Variants in TTC28 observed in about 807,000 individuals in gnomAD.
The protein encoded by TTC28 is tetratricopeptide repeat protein 28.
TTC28 carries 61 observed loss-of-function variants against 198.0 expected under a neutral mutation model. The observed-to-expected ratio is 0.31, with a 90% CI of 0.25 to 0.38. The LOEUF (loss-of-function observed/expected upper bound fraction) is 0.38, where lower values mean the gene tolerates loss of function less well. TTC28 is among the 10% of genes least tolerant of loss of function. The pLI, the probability that TTC28 is intolerant of heterozygous loss-of-function variation, is 1.00. For synonymous variants in TTC28, 1,171 were observed against 1,297.8 expected (o/e 0.90, Z 2.10); for missense variants, 2,678 against 3,164.0 (o/e 0.85, Z 3.69).
chr22:28,410,456 C>T (rs916762884), intron 2 of TTC28, among the ~76,000 whole-genome samples: 7 of 152,130 alleles, frequency 4.6e-5, no homozygotes, highest in African/African-American at 1.4e-4. Flanking sequence ...ATTACTTAGG[C>T]TTTATCAGAA....
intron 2 of TTC28, among the ~76,000 whole-genome samples, chr22:28,465,419 T>A (rs1487119751): frequency 2.0e-5 from 3 of 151,678 alleles, no homozygotes; most frequent in Non-Finnish European, 2.9e-5. Flanking sequence ...AGGTTAGGAG[T>A]TCGAAACCAG....
chr22:28,159,858 T>C (rs975410574), intron 6 of TTC28, among the ~76,000 whole-genome samples: 5 of 152,154 alleles, frequency 3.3e-5, no homozygotes, highest in South Asian at 2.1e-4. Flanking sequence ...GTGGTACATA[T>C]ACACAATGGA....
At chr22:28,203,995 T>C (rs1304203256) in intron 5 of TTC28, among the ~76,000 whole-genome samples, 4 of 152,174 alleles carry the variant, frequency 2.6e-5, no homozygotes, top group Non-Finnish European at 4.4e-5. Context: ...TTGATCCCAC[T>C]CCTTATACCT....
At position 28,175,023 on chromosome 22, in the gene TTC28, TAA is replaced by T. The variant is rs760749501; in HGVS notation, c.934-11426_934-11425del. ...TGCATTGGAAAATAAGGTAGTCTCT[TAA>T]AAAAAAAAAAAAAGGACTGGGAAAA... is the stretch of plus-strand genomic sequence containing the variant. On this transcript the variant is annotated intron_variant, in intron 5 of 22. Transcript: ENST00000397906. Among the ~76,000 whole-genome samples, 514 of 138,072 alleles carry T rather than the reference TAA, an allele frequency of 3.7e-3. 2 individuals are homozygous for T. The highest frequency in any genetic ancestry group is 0.012 in the African/African-American group (462 of 38,300). The allele number at this position is 138,072 out of a possible 152,430, so 90.6% of individuals were successfully genotyped here. A position where few individuals can be genotyped will look rare whatever the true frequency, so the allele number is the denominator to read the frequency against.
At chr22:28,219,156 A>G (rs1232466276) in intron 5 of TTC28, among the ~76,000 whole-genome samples, 7 of 152,088 alleles carry the variant, frequency 4.6e-5, no homozygotes, top group Non-Finnish European at 7.3e-5. Flanking sequence ...GTACTTGGGC[A>G]CATTACTTAA....
chr22:28,335,776 A>G (rs148639463), intron 2 of TTC28, among the ~76,000 whole-genome samples: 3,337 of 152,278 alleles, frequency 0.022, 125 homozygotes, highest in African/African-American at 0.075. Flanking sequence ...CAATCATGTC[A>G]TCTGCAAACA....
chr22:28,043,265 A>AAAAAAAAAAAAAAAAAAAAG (rs1939735272), intron 12 of TTC28, among the ~76,000 whole-genome samples: 1 of 149,546 alleles, frequency 6.7e-6, no homozygotes, highest in African/African-American at 2.5e-5. Context: ...AAAAAAAAAA[A>AAAAAAAAAAAAAAAAAAAAG]AAAAGAAAAG....
At chr22:28,103,001 G>A (rs1369720558) in intron 8 of TTC28, among the ~76,000 whole-genome samples, 2 of 152,146 alleles carry the variant, frequency 1.3e-5, no homozygotes, top group East Asian at 1.9e-4. Flanking sequence ...AGATCTATGA[G>A]TCAGAAGTAA....
At chr22:28,258,615 C>T (rs1569225948) in intron 5 of TTC28, among the ~76,000 whole-genome samples, 1 of 151,856 alleles carries the variant, frequency 6.6e-6, no homozygotes, top group South Asian at 2.1e-4. Context: ...ATCAGAAATG[C>T]CTGCAAATAA....
chr22:28,553,110 G>A (rs563995933), intron 2 of TTC28, among the ~76,000 whole-genome samples: 2 of 152,326 alleles, frequency 1.3e-5, no homozygotes, highest in South Asian at 2.1e-4. Flanking sequence ...CCAGGCTGGA[G>A]TGCAGTGGCG....
rs73882768 is a variant in TTC28 at position 28,503,713 on chromosome 22, C to T, written c.381+125839G>A. ...TAATAGTATTAGCTAAGAACTTTAA[C>T]GCATATTACAGATTATCAAGATGCT... On this transcript the variant is annotated intron_variant, in intron 2 of 22. Coordinates refer to ENST00000397906, the MANE Select transcript of TTC28 (RefSeq NM_001145418.2). 8.5e-3 allele frequency among the ~76,000 whole-genome samples: 1,287 copies of T among 152,200 alleles called. 20 individuals carry two copies. Among genetic ancestry groups the T allele is most frequent in the African/African-American group, 0.029 (1,184 of 41,526 alleles).
chr22:27,999,239 G>A lies in TTC28; in HGVS notation c.4420C>T (p.Pro1474Ser). The change falls in exon 16 of 23, where the codon CCC becomes TCC. Residue 1474 changes from proline to serine, a missense_variant. Physicochemically the swap from Pro to Ser is moderately conservative, Grantham distance 74 (BLOSUM62 -1). This residue lies in a region of TTC28 where 727 missense variants were observed against 861.9 expected (regional missense o/e 0.84). Transcript: ENST00000397906. ...QSKSHLRKNP[P>S]TYSSSTSMAA... ...ATGGATGTGGAGCTGGAGTATGTGGGCGGGTTCTTCCGTAAGTGAGACTAG... is the reference window on the plus strand; with the variant it reads ...ATGGATGTGGAGCTGGAGTATGTGGACGGGTTCTTCCGTAAGTGAGACTAG... 1 of 1,550,444 alleles carries A rather than the reference G, an allele frequency of 6.4e-7. No individual in the cohort carries two copies.
intron 2 of TTC28, among the ~76,000 whole-genome samples, chr22:28,466,645 G>A (rs543203104): frequency 1.6e-3 from 239 of 152,208 alleles, no homozygotes; most frequent in Non-Finnish European, 2.9e-3. Flanking sequence ...TAAGCCAGAT[G>A]GTTTTAGAGA....
At chr22:28,260,428 C>T (rs1343352335) in intron 5 of TTC28, among the ~76,000 whole-genome samples, 1 of 152,048 alleles carries the variant, frequency 6.6e-6, no homozygotes, top group African/African-American at 2.4e-5. Flanking sequence ...AGAGAGGAAC[C>T]TTAACAGGCC....
At chr22:28,286,775 A>G (rs2145752111) in intron 5 of TTC28, among the ~76,000 whole-genome samples, 1 of 152,244 alleles carries the variant, frequency 6.6e-6, no homozygotes, top group African/African-American at 2.4e-5. Context: ...AAATTTAAAA[A>G]TACCATTTAC....
At chr22:28,041,604 A>G (rs1022890140) in intron 12 of TTC28, among the ~76,000 whole-genome samples, 1 of 152,226 alleles carries the variant, frequency 6.6e-6, no homozygotes, top group Non-Finnish European at 1.5e-5. Flanking sequence ...TAAGACTTAA[A>G]TGTTAGACCT....
Sources: allele counts gnomAD v4.1 joint callset (sites outside exome capture counted in the v4.1 genomes callset), GRCh38; gene constraint gnomAD v4.1.1; regional missense constraint gnomAD v4.1.1; transcripts MANE v1.5; gene names NCBI Gene and HGNC (gene_info 2026-07-23, HGNC 2026-07-21).